The following EDIL3 variants were observed in gnomAD, a reference collection of about 807,000 sequenced individuals.
EDIL3 encodes EGF-like repeat and discoidin I-like domain-containing protein 3.
Under a neutral mutation model 67.4 loss-of-function variants are expected in EDIL3, and 37 were observed. That is an observed-to-expected ratio of 0.55 (90% confidence interval 0.42 to 0.72). The LOEUF is 0.72. Among genes scored for constraint, EDIL3 ranks in the 30% least tolerant of loss-of-function variants. The pLI is 0.00. For synonymous variants in EDIL3, 195 were observed against 196.3 expected (o/e 0.99, Z 0.05); for missense variants, 527 against 586.3 (o/e 0.90, Z 1.04).
intron 9 of EDIL3, among the ~76,000 whole-genome samples, chr5:83,978,265 G>A (rs1290708143): frequency 2.0e-5 from 3 of 150,604 alleles, no homozygotes; most frequent in African/African-American, 4.9e-5. Context: ...AACGACAAAT[G>A]TTTTTATGGT....
At chr5:84,243,862 G>A (rs1744846984) in intron 2 of EDIL3, among the ~76,000 whole-genome samples, 1 of 152,090 alleles carries the variant, frequency 6.6e-6, no homozygotes, top group African/African-American at 2.4e-5. Context: ...ATATAATCTG[G>A]AAATGATTCA....
intron 5 of EDIL3, among the ~76,000 whole-genome samples, chr5:84,121,977 A>G (rs1747784152): frequency 1.3e-5 from 2 of 152,026 alleles, no homozygotes; most frequent in African/African-American, 4.8e-5. Flanking sequence ...AGAGCCTGGA[A>G]GTAACAGCTG....
At chr5:84,115,359 C>A (rs1314725400) in intron 5 of EDIL3, among the ~76,000 whole-genome samples, 1 of 152,080 alleles carries the variant, frequency 6.6e-6, no homozygotes, top group East Asian at 1.9e-4. Flanking sequence ...GATATATTAT[C>A]AGTTTAAATT....
intron 1 of EDIL3, among the ~76,000 whole-genome samples, chr5:84,335,303 C>T (rs1047526543): frequency 1.6e-4 from 25 of 152,320 alleles, no homozygotes; most frequent in African/African-American, 5.5e-4. Context: ...TATAGCCATG[C>T]TGTCCCTTTA....
intron 9 of EDIL3, among the ~76,000 whole-genome samples, chr5:84,011,075 A>G (rs1053305803): frequency 2.0e-5 from 3 of 152,086 alleles, no homozygotes; most frequent in African/African-American, 7.2e-5. Context: ...TTAAAGCTAA[A>G]CCTCTGACTA....
chr5:84,140,645 C>T (rs1212626721), intron 4 of EDIL3, among the ~76,000 whole-genome samples: 3 of 152,048 alleles, frequency 2.0e-5, no homozygotes, highest in East Asian at 1.9e-4. Context: ...AATGGAAATG[C>T]TTTGTAGACA....
chr5:84,303,623 T>C (rs1202892450), intron 1 of EDIL3, among the ~76,000 whole-genome samples: 1 of 152,246 alleles, frequency 6.6e-6, no homozygotes, highest in Non-Finnish European at 1.5e-5. Context: ...ACAGTCATTA[T>C]ATTATTATAT....
intron 1 of EDIL3, among the ~76,000 whole-genome samples, chr5:84,304,391 T>C (rs1381685593): frequency 6.6e-6 from 1 of 152,200 alleles, no homozygotes; most frequent in East Asian, 1.9e-4. Context: ...TCTCAATGTG[T>C]TACAGAACAT....
intron 10 of EDIL3, among the ~76,000 whole-genome samples, chr5:83,953,141 C>T (rs1744449889): frequency 6.6e-6 from 1 of 151,778 alleles, no homozygotes. Context: ...CCATCTGGTC[C>T]AGCTACAAGA....
intron 1 of EDIL3, among the ~76,000 whole-genome samples, chr5:84,271,481 A>G (rs1239548470): frequency 4.6e-5 from 7 of 151,750 alleles, no homozygotes; most frequent in Admixed American, 4.6e-4. Flanking sequence ...GGAGAGACTT[A>G]GTCTATTGCA....
chr5:84,162,875 A>C (rs1000293845), intron 4 of EDIL3, among the ~76,000 whole-genome samples: 1 of 152,136 alleles, frequency 6.6e-6, no homozygotes, highest in African/African-American at 2.4e-5. Context: ...CAAGAAAGGC[A>C]CTGAAGCAGC....
chr5:83,988,946 C>G (rs1017892774), intron 9 of EDIL3, among the ~76,000 whole-genome samples: 1 of 152,124 alleles, frequency 6.6e-6, no homozygotes, highest in South Asian at 2.1e-4. Flanking sequence ...TAGAATTGCT[C>G]AACCTTTCAG....
chr5:84,268,240 T>C (rs1745390263), intron 1 of EDIL3, among the ~76,000 whole-genome samples: 1 of 152,148 alleles, frequency 6.6e-6, no homozygotes, highest in African/African-American at 2.4e-5. Flanking sequence ...GTACATAAAA[T>C]AGAGCTGTTA....
chr5:84,355,421 G>T (rs971878293), intron 1 of EDIL3, among the ~76,000 whole-genome samples: 5 of 151,870 alleles, frequency 3.3e-5, no homozygotes, highest in Non-Finnish European at 7.4e-5. Context: ...CTTGCATTGG[G>T]TTACAACATG....
At chr5:84,105,471 T>C (rs1006536025) in intron 6 of EDIL3, among the ~76,000 whole-genome samples, 1 of 152,066 alleles carries the variant, frequency 6.6e-6, no homozygotes, top group African/African-American at 2.4e-5. Context: ...CTCTTAGCCA[T>C]AAATCAATTT....
At chr5:83,988,084 C>T (rs1745087652) in intron 9 of EDIL3, among the ~76,000 whole-genome samples, 1 of 151,936 alleles carries the variant, frequency 6.6e-6, no homozygotes, top group Non-Finnish European at 1.5e-5. Context: ...AAATAACCTT[C>T]CATTTCAAAT....
intron 9 of EDIL3, among the ~76,000 whole-genome samples, chr5:84,053,533 A>G (rs1746381435): frequency 2.0e-5 from 3 of 152,208 alleles, no homozygotes; most frequent in Admixed American, 1.3e-4. Flanking sequence ...GGTTTTTTGA[A>G]AAGATCAACA....
At chr5:84,205,157 C>T (rs1434207263) in intron 3 of EDIL3, among the ~76,000 whole-genome samples, 1 of 151,368 alleles carries the variant, frequency 6.6e-6, no homozygotes, top group African/African-American at 2.4e-5. Flanking sequence ...CCCAACTGAT[C>T]CTCCCGCCTA....
At chr5:84,163,765 A>C (rs1182496549) in intron 4 of EDIL3, among the ~76,000 whole-genome samples, 2 of 152,160 alleles carry the variant, frequency 1.3e-5, no homozygotes, top group Non-Finnish European at 2.9e-5. Flanking sequence ...ACACATGTAT[A>C]AACTTGCAGT....
Sources: allele counts gnomAD v4.1 joint callset (sites outside exome capture counted in the v4.1 genomes callset), GRCh38; gene constraint gnomAD v4.1.1; transcripts MANE v1.5; gene names NCBI Gene and HGNC (gene_info 2026-07-23, HGNC 2026-07-21).